RBFOX1: variants seen among roughly 807,000 people sequenced by gnomAD.
The protein encoded by RBFOX1 is RNA binding fox-1 homolog 1.
RBFOX1 carries 8 observed loss-of-function variants against 57.7 expected under a neutral mutation model. That is an observed-to-expected ratio of 0.14 (90% confidence interval 0.08 to 0.25). RBFOX1 has a LOEUF of 0.25. Ranked by LOEUF, RBFOX1 falls within the 10% of genes least tolerant of loss-of-function variation. RBFOX1 has a pLI of 1.00. For missense variants in RBFOX1, 611 were observed against 548.5 expected, an observed-to-expected ratio of 1.11 and a Z score of -1.14; for synonymous variants, 326 against 222.4, an observed-to-expected ratio of 1.47 and a Z score of -4.15.
At chr16:7,029,045 G>T (rs1362625560) in intron 3 of RBFOX1, among the ~76,000 whole-genome samples, 4 of 59,438 alleles carry the variant, frequency 6.7e-5, no homozygotes, top group African/African-American at 2.0e-4. Context: ...AAAAAAAAAA[G>T]CTATATATAT....
At chr16:6,590,993 C>G (rs2097702141) in intron 2 of RBFOX1, among the ~76,000 whole-genome samples, 2 of 152,264 alleles carry the variant, frequency 1.3e-5, no homozygotes, top group East Asian at 3.9e-4. Flanking sequence ...TGGGAAGGTA[C>G]ATAACCTCTC....
At chr16:6,903,524 C>A (rs369946087) in intron 3 of RBFOX1, among the ~76,000 whole-genome samples, 1 of 152,152 alleles carries the variant, frequency 6.6e-6, no homozygotes. Context: ...GTGGGGGAAG[C>A]ACTTCAATAG....
At chr16:6,696,779 T>G (rs2061116507) in intron 3 of RBFOX1, among the ~76,000 whole-genome samples, 1 of 152,176 alleles carries the variant, frequency 6.6e-6, no homozygotes, top group African/African-American at 2.4e-5. Context: ...TTTGGAGTGT[T>G]TAGTTTTGTA....
intron 2 of RBFOX1, among the ~76,000 whole-genome samples, chr16:6,408,680 T>C (rs1325682840): frequency 6.6e-6 from 1 of 152,210 alleles, no homozygotes; most frequent in African/African-American, 2.4e-5. Flanking sequence ...ATGTTGTCTG[T>C]AACATGTTTT....
intron 1 of RBFOX1, among the ~76,000 whole-genome samples, chr16:6,164,292 T>G (rs2096900085): frequency 6.6e-6 from 1 of 152,180 alleles, no homozygotes; most frequent in Non-Finnish European, 1.5e-5. Flanking sequence ...AATATAAGCC[T>G]GATAATACTA....
At chr16:6,896,902 TA>T (rs1196692019) in intron 3 of RBFOX1, among the ~76,000 whole-genome samples, 1 of 151,950 alleles carries the variant, frequency 6.6e-6, no homozygotes, top group Non-Finnish European at 1.5e-5. Flanking sequence ...GTGACATTTT[TA>T]AAAAAAATGC....
chr16:7,266,710 T>A (rs569403493), intron 4 of RBFOX1, among the ~76,000 whole-genome samples: 3 of 152,196 alleles, frequency 2.0e-5, no homozygotes, highest in Middle Eastern at 3.4e-3. Context: ...TTCTTTATAT[T>A]TGACAATAAA....
chr16:6,919,598 C>T (rs1046023850), intron 3 of RBFOX1, among the ~76,000 whole-genome samples: 1 of 151,922 alleles, frequency 6.6e-6, no homozygotes, highest in African/African-American at 2.4e-5. Context: ...TTAAAGGAAA[C>T]CCTGGTATCT....
intron 3 of RBFOX1, among the ~76,000 whole-genome samples, chr16:7,044,863 C>T (rs1216674883): frequency 2.0e-5 from 3 of 152,124 alleles, no homozygotes; most frequent in Non-Finnish European, 4.4e-5. Flanking sequence ...CTCCCCTCTC[C>T]CCACCCGGAG....
At chr16:5,355,593 A>T (rs914885753) in intron 1 of RBFOX1, among the ~76,000 whole-genome samples, 1 of 152,144 alleles carries the variant, frequency 6.6e-6, no homozygotes, top group Non-Finnish European at 1.5e-5. Context: ...TCCTTGATGT[A>T]ATTAGGAAGA....
At chr16:7,527,047 C>T (rs897374475) in intron 5 of RBFOX1, among the ~76,000 whole-genome samples, 4 of 152,196 alleles carry the variant, frequency 2.6e-5, no homozygotes, top group Non-Finnish European at 2.9e-5. Context: ...TTACAGACTT[C>T]GAGTGTGCTC....
chr16:7,439,380 A>T (rs1193414307), intron 4 of RBFOX1, among the ~76,000 whole-genome samples: 1 of 149,508 alleles, frequency 6.7e-6, no homozygotes, highest in African/African-American at 2.5e-5. Flanking sequence ...AAAAAAAAAA[A>T]TCCAGCCTCA....
intron 1 of RBFOX1, among the ~76,000 whole-genome samples, chr16:6,297,416 T>G (rs1175358650): frequency 3.1e-5 from 3 of 96,954 alleles, no homozygotes; most frequent in Non-Finnish European, 7.1e-5. Flanking sequence ...GCTGTTTCAC[T>G]GTGGCTTAAA....
chr16:6,092,660 GC>G (rs1230719960), intron 1 of RBFOX1: 5 of 152,144 alleles, frequency 3.3e-5, no homozygotes, highest in Admixed American at 2.6e-4. Context: ...TTTCCCCATT[GC>G]TTATTTTTGT....
intron 3 of RBFOX1, among the ~76,000 whole-genome samples, chr16:6,791,449 A>T (rs1051750362): frequency 1.6e-4 from 24 of 152,122 alleles, no homozygotes; most frequent in Admixed American, 1.4e-3. Flanking sequence ...ATTGTAAAGA[A>T]CTTCAAGATG....
At chr16:6,947,615 CTG>C (rs1320121517) in intron 3 of RBFOX1, among the ~76,000 whole-genome samples, 2 of 152,226 alleles carry the variant, frequency 1.3e-5, no homozygotes, top group Non-Finnish European at 2.9e-5. Flanking sequence ...AGAAGGAAAA[CTG>C]TTCCTGGTTC....
chr16:6,896,788 G>C (rs1022999607), intron 3 of RBFOX1, among the ~76,000 whole-genome samples: 4 of 152,196 alleles, frequency 2.6e-5, no homozygotes, highest in African/African-American at 9.7e-5. Flanking sequence ...GTACATGAGA[G>C]GTGGGAGCAT....
At chr16:6,496,907 C>T (rs1044635245) in intron 2 of RBFOX1, among the ~76,000 whole-genome samples, 2 of 152,074 alleles carry the variant, frequency 1.3e-5, no homozygotes, top group Non-Finnish European at 2.9e-5. Flanking sequence ...TTGTGGTGAG[C>T]CGAGACTACG....
At chr16:6,941,365 G>A (rs1597888098) in intron 3 of RBFOX1, among the ~76,000 whole-genome samples, 1 of 128,144 alleles carries the variant, frequency 7.8e-6, no homozygotes, top group Non-Finnish European at 1.6e-5. Flanking sequence ...CTTCTCTATG[G>A]CTTCCAGCAA....
Sources: gnomAD v4.1 joint callset for allele counts (sites outside exome capture counted in the v4.1 genomes callset) on GRCh38, gnomAD v4.1.1 for gene constraint, MANE v1.5 for transcripts, NCBI Gene and HGNC (gene_info 2026-07-23, HGNC 2026-07-21) for gene names.